Variants in IFIH1 observed in about 807,000 individuals in gnomAD.
IFIH1 encodes interferon induced with helicase C domain 1.
In IFIH1, 125 loss-of-function variants were observed where a neutral mutation model predicts 107.4. The ratio of observed to expected loss-of-function variants is 1.16; its 90% CI spans 1.01 to 1.35. IFIH1 has a LOEUF of 1.35. Ranked by LOEUF, IFIH1 falls within the 40% of genes most tolerant of loss-of-function variation. IFIH1 has a pLI of 0.00. For missense variants in IFIH1, 1,333 were observed against 1,213.7 expected, an observed-to-expected ratio of 1.10 and a Z score of -1.46; for synonymous variants, 458 against 413.2, an observed-to-expected ratio of 1.11 and a Z score of -1.31.
chr2:162,310,897 C>A lies in IFIH1; in HGVS notation c.490G>T (p.Val164Leu). ...AAENNGNESGVRELLKRIVQK... is the reference protein window; with the variant it reads ...AAENNGNESGLRELLKRIVQK... ...ACAATCCTTTTTAGTAGCTCTCTTA[C>A]ACCTGATTCATTTCCATTGTTTTCT... Residue 164 changes from valine to leucine, a missense_variant, in exon 2 of 16, where the codon GTA becomes TTA. Physicochemically the swap from Val to Leu is conservative, Grantham distance 32. Transcript: ENST00000649979. 1 of 1,613,488 alleles carries A rather than the reference C, an allele frequency of 6.2e-7. No homozygotes were observed. Among genetic ancestry groups the A allele is most frequent in the Non-Finnish European group, 8.5e-7 (1 of 1,179,614 alleles).
rs112345957 is a variant in IFIH1, at chr2:162,303,363, G to A, written c.769+3346C>T. ...ACTCCTGGCCTCAGGTGATCCACCCGCCTCGTCCTCCCAAAGTCCTGGGAT... is the reference window on the plus strand; with the variant it reads ...ACTCCTGGCCTCAGGTGATCCACCCACCTCGTCCTCCCAAAGTCCTGGGAT... On this transcript the variant is annotated intron_variant, in intron 3 of 15. Coordinates refer to ENST00000649979, the MANE Select transcript of IFIH1 (RefSeq NM_022168.4). Among the ~76,000 whole-genome samples the A allele has an allele frequency of 2.5e-3, 380 of 152,248 alleles. 5 individuals carry two copies. The highest frequency in any genetic ancestry group is 8.5e-3 in the African/African-American group (355 of 41,536).
chr2:162,311,084 T>C, intron 1 of IFIH1, 151 bp from the exon 2 acceptor site: 1 of 552,258 alleles, frequency 1.8e-6, no homozygotes, highest in Non-Finnish European at 3.0e-6. Context: ...ATGTTACCTG[T>C]AGCAATTCTG....
At chr2:162,289,976 A>G (rs1197589688) in intron 4 of IFIH1, among the ~76,000 whole-genome samples, 1 of 151,904 alleles carries the variant, frequency 6.6e-6, no homozygotes, top group South Asian at 2.1e-4. Context: ...TAGCTTTCAT[A>G]GACTATCAAA....
intron 11 of IFIH1, among the ~76,000 whole-genome samples, chr2:162,274,194 C>T (rs1040717534): frequency 6.6e-6 from 1 of 152,114 alleles, no homozygotes; most frequent in Non-Finnish European, 1.5e-5. Context: ...GGGAAGACCA[C>T]ATTTTATGCC....
Position 162,281,529 on chromosome 2 carries a change from G to C in IFIH1, c.1323C>G (p.Ile441Met). 1 of 1,608,142 alleles carries C rather than the reference G, an allele frequency of 6.2e-7. No homozygotes were observed. Among genetic ancestry groups the C allele is most frequent in the Non-Finnish European group, 8.5e-7 (1 of 1,175,752 alleles). The change falls in exon 7 of 16, where the codon ATC (isoleucine) becomes ATG (methionine). Residue 441 changes from isoleucine (I) to methionine (M), a missense_variant. Physicochemically the swap from Ile to Met is conservative, Grantham distance 10. Coordinates refer to ENST00000649979, the MANE Select transcript of IFIH1 (RefSeq NM_022168.4). ...GVQLSDFSLIIIDECHHTNKE... is the reference protein window; with the variant it reads ...GVQLSDFSLIMIDECHHTNKE... Reference sequence around the variant, plus strand: ...TGTTGGTGTGATGACATTCATCAATGATAATGAGGGAAAAGTCTTAAAAGA... The same window carrying C: ...TGTTGGTGTGATGACATTCATCAATCATAATGAGGGAAAAGTCTTAAAAGA...
Position 162,318,381 on chromosome 2 carries a change from C to A in IFIH1, c.-74G>T. ...TTGTCTGCGGGACAGGTGAAATGTGCGTGCCGCTGTCCGCTGCCCACTTAG... is the reference window on the plus strand; with the variant it reads ...TTGTCTGCGGGACAGGTGAAATGTGAGTGCCGCTGTCCGCTGCCCACTTAG... On this transcript the variant is annotated 5_prime_UTR_variant, in exon 1 of 16. Transcript: ENST00000649979. 6.4e-6 allele frequency: 8 copies of A among 1,241,060 alleles called. No homozygotes were observed. Among genetic ancestry groups the A allele is most frequent in the Non-Finnish European group, 9.3e-6 (8 of 863,458 alleles). The allele number at this position is 1,241,060 out of a possible 1,614,324, so 76.9% of individuals were successfully genotyped here.
intron 3 of IFIH1, among the ~76,000 whole-genome samples, chr2:162,301,567 T>C (rs1277965999): frequency 6.6e-6 from 1 of 152,234 alleles, no homozygotes; most frequent in Admixed American, 6.5e-5. Context: ...CATTAATTCC[T>C]AAAATAGTAT....
Position 162,273,910 on chromosome 2 carries a change from G to C in IFIH1, c.2339C>G (p.Thr780Ser). The change falls in exon 12 of 16, where the codon ACT (threonine) becomes AGT (serine). Residue 780 changes from threonine (T) to serine (S), a missense_variant. Thr to Ser is a moderately conservative substitution (Grantham distance 58). Coordinates refer to ENST00000649979, the MANE Select transcript of IFIH1 (RefSeq NM_022168.4). ...EQKEVISKFR[T>S]GKINLLIATT... The stretch of plus-strand genomic sequence containing the variant: ...AGCGATAAGCAGATTTATTTTTCCA[G>C]TGCGAAATTTACTAATGACTTCTTT... 6.2e-7 allele frequency: 1 copy of C among 1,607,084 alleles called. No individual in the cohort carries two copies. Among genetic ancestry groups the C allele is most frequent in the Non-Finnish European group, 8.5e-7 (1 of 1,175,384 alleles).
chr2:162,316,660 G>GAA (rs1258029128), intron 1 of IFIH1, among the ~76,000 whole-genome samples: 1 of 151,622 alleles, frequency 6.6e-6, no homozygotes, highest in Non-Finnish European at 1.5e-5. Context: ...GAGAGAGAGA[G>GAA]AAAAAAACCA....
At chr2:162,313,510 A>G (rs937952388) in intron 1 of IFIH1, among the ~76,000 whole-genome samples, 8 of 152,204 alleles carry the variant, frequency 5.3e-5, no homozygotes, top group Admixed American at 5.2e-4. Flanking sequence ...AAATTCTTTG[A>G]TATGTTTTTT....
At chr2:162,267,750 T>C (rs973390560) in intron 14 of IFIH1, among the ~76,000 whole-genome samples, 181 bp from the exon 15 acceptor site, 6 of 152,350 alleles carry the variant, frequency 3.9e-5, no homozygotes, top group East Asian at 3.9e-4. Flanking sequence ...CTTCTACACA[T>C]ACCTCTCAAG....
Position 162,281,365 on chromosome 2 carries a change from GCCCCTCCA to G in IFIH1, c.1479_1486del (p.Gly494HisfsTer7). On this transcript the variant is annotated frameshift_variant, in exon 7 of 16. Transcript: ENST00000649979. LOFTEE classifies it high-confidence loss of function. ...TTCTTCAGCTTTGGCTTGCTTCGTG[GCCCCTCCA>G]ACACCAGGTGAAGCTGTTAGTCCCA... 1 of 1,612,550 alleles carries G rather than the reference GCCCCTCCA, an allele frequency of 6.2e-7. No individual in the cohort carries two copies. Among genetic ancestry groups the G allele is most frequent in the Non-Finnish European group, 8.5e-7 (1 of 1,179,014 alleles).
In IFIH1 at chr2:162,293,628, T is replaced by G. The variant is rs1393234427; in HGVS notation, c.810A>C (p.Leu270Phe). 1.9e-6 allele frequency: 3 copies of G among 1,611,812 alleles called. No individual in the cohort carries two copies. Among genetic ancestry groups the G allele is most frequent in the Admixed American group, 1.7e-5 (1 of 59,832 alleles). ...TGCTGTTATGTCCAAGACTTTCATCTAAGCAGCTGACACTTCCTTCTGCCA... is the reference window on the plus strand; with the variant it reads ...TGCTGTTATGTCCAAGACTTTCATCGAAGCAGCTGACACTTCCTTCTGCCA... ...TSLAEGSVSC[L>F]DESLGHNSNM... The change falls in exon 4 of 16, where the codon TTA (leucine) becomes TTC (phenylalanine). Residue 270 changes from leucine to phenylalanine, a missense_variant. Transcript: ENST00000649979.
At chr2:162,288,071 C>A in intron 5 of IFIH1, 64 bp downstream of exon 5, 4 of 1,025,494 alleles carry the variant, frequency 3.9e-6, no homozygotes, top group Non-Finnish European at 6.0e-6. Flanking sequence ...CAAATGCCAT[C>A]ATATAAAAGT....
At chr2:162,289,226 A>G (rs951272484) in intron 4 of IFIH1, among the ~76,000 whole-genome samples, 17 of 151,848 alleles carry the variant, frequency 1.1e-4, no homozygotes, top group Non-Finnish European at 2.2e-4. Flanking sequence ...TATATTAAAA[A>G]TATTTTCAAT....
chr2:162,273,902 T>G lies in IFIH1; in HGVS notation c.2347A>C (p.Ile783Leu). The change falls in exon 12 of 16, where the codon ATA becomes CTA. Residue 783 changes from isoleucine (I) to leucine (L), a missense_variant. By Grantham distance (5) the Ile-to-Leu change is conservative (BLOSUM62 2). Coordinates refer to ENST00000649979, the MANE Select transcript of IFIH1 (RefSeq NM_022168.4). ...EVISKFRTGK[I>L]NLLIATTVAE... Reference sequence around the variant, plus strand: ...ACTGTGGTAGCGATAAGCAGATTTATTTTTCCAGTGCGAAATTTACTAATG... The same window carrying G: ...ACTGTGGTAGCGATAAGCAGATTTAGTTTTCCAGTGCGAAATTTACTAATG... The G allele has an allele frequency of 6.2e-7, 1 of 1,609,344 alleles. No homozygotes were observed.
At chr2:162,310,216 C>T (rs1440829428) in intron 2 of IFIH1, 1 of 152,636 alleles carries the variant, frequency 6.6e-6, no homozygotes, top group African/African-American at 2.4e-5. Context: ...AGGATGCATA[C>T]TACGAAAAGA....
intron 3 of IFIH1, among the ~76,000 whole-genome samples, chr2:162,300,784 ATTTT>A (rs1372763991): frequency 2.0e-5 from 3 of 152,196 alleles, no homozygotes; most frequent in South Asian, 4.1e-4. Flanking sequence ...TGTATCAATT[ATTTT>A]TTTCCACTTA....
intron 11 of IFIH1, among the ~76,000 whole-genome samples, chr2:162,274,792 T>C (rs1191480731): frequency 6.6e-6 from 1 of 152,182 alleles, no homozygotes; most frequent in Non-Finnish European, 1.5e-5. Context: ...GTTGGTCCAG[T>C]TGGCATTTGG....
Sources: allele counts gnomAD v4.1 joint callset (sites outside exome capture counted in the v4.1 genomes callset), GRCh38; gene constraint gnomAD v4.1.1; transcripts MANE v1.5; gene names NCBI Gene and HGNC (gene_info 2026-07-23, HGNC 2026-07-21).